The following KIAA1671 variants were observed in gnomAD, a reference collection of about 807,000 sequenced individuals.
KIAA1671 encodes the protein uncharacterized protein KIAA1671.
In KIAA1671, 52 loss-of-function variants were observed where a neutral mutation model predicts 131.2. The observed-to-expected ratio is 0.40, with a 90% CI of 0.32 to 0.50. KIAA1671 has a LOEUF of 0.50. Ranked by LOEUF, KIAA1671 falls within the 20% of genes least tolerant of loss-of-function variation. KIAA1671 has a pLI of 0.73. For missense variants in KIAA1671, 2,360 were observed against 2,364.2 expected, an observed-to-expected ratio of 1.00 and a Z score of 0.04; for synonymous variants, 1,003 against 961.6, an observed-to-expected ratio of 1.04 and a Z score of -0.80.
intron 1 of KIAA1671, among the ~76,000 whole-genome samples, chr22:24,983,491 C>T (rs1268493644): frequency 6.6e-6 from 1 of 152,018 alleles, no homozygotes; most frequent in Non-Finnish European, 1.5e-5. Context: ...GACCCTATTT[C>T]CAAAGAAGGT....
chr22:25,046,445 T>TCCATCCCTTCCTCTCTCCATCC (rs1465613746), intron 5 of KIAA1671, among the ~76,000 whole-genome samples: 1 of 152,104 alleles, frequency 6.6e-6, no homozygotes, highest in Admixed American at 6.5e-5. Flanking sequence ...CCTTCCTCTC[T>TCCATCCCTTCCTCTCTCCATCC]TTTTCTCTGT....
rs759815677 is a variant in KIAA1671, at chr22:25,174,259, G to T, written c.4669G>T (p.Asp1557Tyr). The part of the protein sequence containing the change: ...SGESLATESP[D>Y]SSATSTRKQP... ...TGGCAGCTTGGCCACTGAGTCCCCAGATAGCAGTGCCACATCGACAAGGAA... is the reference window on the plus strand; with the variant it reads ...TGGCAGCTTGGCCACTGAGTCCCCATATAGCAGTGCCACATCGACAAGGAA... The change falls in exon 8 of 13, where the codon GAT becomes TAT. Residue 1557 changes from aspartate to tyrosine, a missense_variant. Coordinates refer to ENST00000358431, the MANE Select transcript of KIAA1671 (RefSeq NM_001145206.2). 18 of 1,551,550 alleles carry T rather than the reference G, an allele frequency of 1.2e-5. No homozygotes were observed. Among genetic ancestry groups the T allele is most frequent in the Middle Eastern group, 1.7e-4 (1 of 6,012 alleles).
At chr22:25,168,204 C>T (rs971183813) in intron 6 of KIAA1671, among the ~76,000 whole-genome samples, 2 of 152,196 alleles carry the variant, frequency 1.3e-5, no homozygotes, top group African/African-American at 4.8e-5. Context: ...CAGGCAGGCT[C>T]CAAGAGGGGA....
chr22:25,121,453 C>T (rs913578591), intron 6 of KIAA1671, among the ~76,000 whole-genome samples: 4 of 146,654 alleles, frequency 2.7e-5, no homozygotes, highest in Admixed American at 6.8e-5. Flanking sequence ...CAGAGTGAGA[C>T]TCCATCTCAA....
chr22:25,132,601 G>A (rs1304382703), intron 6 of KIAA1671, among the ~76,000 whole-genome samples: 1 of 152,164 alleles, frequency 6.6e-6, no homozygotes, highest in African/African-American at 2.4e-5. Context: ...GTGAGTCCAA[G>A]TGGACATTTC....
At chr22:25,104,018 G>C (rs1344519646) in intron 6 of KIAA1671, among the ~76,000 whole-genome samples, 1 of 151,978 alleles carries the variant, frequency 6.6e-6, no homozygotes, top group East Asian at 1.9e-4. Flanking sequence ...TTGCTCTGTT[G>C]CCCAGGCTGG....
intron 8 of KIAA1671, 75 bp from the exon 9 acceptor site, chr22:25,177,273 C>A: frequency 7.2e-7 from 1 of 1,391,650 alleles, no homozygotes. Flanking sequence ...AGCTGTGTAC[C>A]GCCAACTGTG....
intron 6 of KIAA1671, among the ~76,000 whole-genome samples, chr22:25,111,329 G>C (rs1308347356): frequency 6.6e-6 from 1 of 152,254 alleles, no homozygotes; most frequent in African/African-American, 2.4e-5. Flanking sequence ...GGCACGTGAA[G>C]TTGCCATCAG....
intron 1 of KIAA1671, among the ~76,000 whole-genome samples, chr22:24,968,340 T>C (rs998707951): frequency 1.1e-4 from 17 of 152,112 alleles, no homozygotes; most frequent in Admixed American, 1.1e-3. Context: ...GCCTGGAGGC[T>C]CTCTGGGTGC....
chr22:25,132,066 A>G (rs1201835941), intron 6 of KIAA1671, among the ~76,000 whole-genome samples: 3 of 152,202 alleles, frequency 2.0e-5, no homozygotes, highest in Non-Finnish European at 4.4e-5. Flanking sequence ...CCCAGAATTG[A>G]TTGAAGTCAC....
intron 1 of KIAA1671, among the ~76,000 whole-genome samples, chr22:24,965,382 G>A (rs1442360170): frequency 6.7e-6 from 1 of 150,328 alleles, no homozygotes; most frequent in South Asian, 2.1e-4. Context: ...GCCAGTGCAC[G>A]CCAGCCTGGG....
intron 4 of KIAA1671, among the ~76,000 whole-genome samples, chr22:25,033,567 T>G (rs1455254970): frequency 8.5e-4 from 118 of 138,710 alleles, no homozygotes; most frequent in Admixed American, 1.5e-3. Context: ...TTGGTTGGTT[T>G]GTTTTCGTTT....
At chr22:24,967,769 G>T (rs1163860508) in intron 1 of KIAA1671, among the ~76,000 whole-genome samples, 5 of 152,182 alleles carry the variant, frequency 3.3e-5, no homozygotes, top group African/African-American at 9.7e-5. Context: ...AAGGTGGGCG[G>T]ATCATGAGGT....
chr22:24,970,424 G>T (rs1309194787), intron 1 of KIAA1671, among the ~76,000 whole-genome samples: 1 of 152,230 alleles, frequency 6.6e-6, no homozygotes. Context: ...CTGTAGGGAA[G>T]TGAAGCTGTG....
At chr22:25,139,913 A>T (rs769079766) in intron 6 of KIAA1671, among the ~76,000 whole-genome samples, 2 of 152,256 alleles carry the variant, frequency 1.3e-5, no homozygotes, top group African/African-American at 2.4e-5. Flanking sequence ...TAGAAAGCAC[A>T]TGGAGGTCTT....
chr22:25,135,413 C>T (rs1792863682), intron 6 of KIAA1671, among the ~76,000 whole-genome samples: 1 of 152,186 alleles, frequency 6.6e-6, no homozygotes, highest in Admixed American at 6.5e-5. Flanking sequence ...GTCTCGATCT[C>T]CTGACCTTGT....
intron 6 of KIAA1671, among the ~76,000 whole-genome samples, chr22:25,136,107 T>C (rs1932664241): frequency 1.3e-5 from 2 of 152,214 alleles, no homozygotes; most frequent in Non-Finnish European, 2.9e-5. Flanking sequence ...GCAGCTAACT[T>C]GAGCTCTGAG....
chr22:25,012,582 C>T (rs1925097245), intron 1 of KIAA1671: 1 of 152,146 alleles, frequency 6.6e-6, no homozygotes. Context: ...CACTTTTCCC[C>T]TTCTCAAAAG....
chr22:25,084,038 C>T (rs1480280811), intron 6 of KIAA1671, among the ~76,000 whole-genome samples: 2 of 152,254 alleles, frequency 1.3e-5, no homozygotes, highest in South Asian at 2.1e-4. Flanking sequence ...CGGCCTGCCA[C>T]GTGAGTGCAG....
Sources: allele counts gnomAD v4.1 joint callset (sites outside exome capture counted in the v4.1 genomes callset), GRCh38; gene constraint gnomAD v4.1.1; transcripts MANE v1.5; gene names NCBI Gene and HGNC (gene_info 2026-07-23, HGNC 2026-07-21).